SEPTIN11: variants seen among roughly 807,000 people sequenced by gnomAD.
SEPTIN11 encodes septin-11.
A neutral mutation model predicts 51.4 loss-of-function variants in SEPTIN11; 25 were observed. The observed-to-expected ratio is 0.49, with a 90% CI of 0.35 to 0.68. The LOEUF (loss-of-function observed/expected upper bound fraction) is 0.68, where lower values mean the gene tolerates loss of function less well. SEPTIN11 is among the 30% of genes least tolerant of loss of function. The pLI is 0.00. For synonymous variants in SEPTIN11, 174 were observed against 184.1 expected (o/e 0.95, Z 0.44); for missense variants, 381 against 520.8 (o/e 0.73, Z 2.61).
chr4:77,005,288 GTTC>G (rs1724401517), intron 2 of SEPTIN11, among the ~76,000 whole-genome samples: 1 of 152,110 alleles, frequency 6.6e-6, no homozygotes, highest in Non-Finnish European at 1.5e-5. Flanking sequence ...TCATGTTCTT[GTTC>G]TTGTAATATA....
chr4:77,028,718 G>A lies in SEPTIN11; in HGVS notation c.1043G>A (p.Arg348Lys). Residue 348 changes from arginine (R) to lysine (K), a missense_variant, in exon 8 of 10, where the codon AGA becomes AAA. Coordinates refer to ENST00000264893, the MANE Select transcript of SEPTIN11 (RefSeq NM_018243.4). ...EEEMRQMFVM[R>K]VKEKEAELKE... ...GAAATGAGACAAATGTTTGTTATGA[G>A]AGTGAAGGAGAAAGAAGCTGAACTT... 1 of 1,613,862 alleles carries A rather than the reference G, an allele frequency of 6.2e-7. No homozygotes were observed.
intron 1 of SEPTIN11, chr4:76,987,822 G>A (rs1020678160): frequency 1.0e-6 from 1 of 981,234 alleles, no homozygotes; most frequent in Admixed American, 6.2e-5. Flanking sequence ...AGAGGCGTCT[G>A]TACTACTGAA....
chr4:77,004,971 A>AT (rs1413461497), intron 2 of SEPTIN11, among the ~76,000 whole-genome samples: 1 of 152,200 alleles, frequency 6.6e-6, no homozygotes, highest in African/African-American at 2.4e-5. Flanking sequence ...TCAAAATTGA[A>AT]TAAATAAATA....
chr4:77,033,619 C>A (rs1045165831), intron 9 of SEPTIN11, among the ~76,000 whole-genome samples: 2 of 152,156 alleles, frequency 1.3e-5, no homozygotes, highest in African/African-American at 4.8e-5. Context: ...TCCTTGTTTG[C>A]GGCTATACCA....
Position 77,038,326 on chromosome 4 carries a change from G to C in SEPTIN11, c.*3814G>C. On this transcript the variant is annotated 3_prime_UTR_variant, in exon 10 of 10. Transcript: ENST00000264893. ...AGTTGTAGATCCTTGTCATTTTGCT[G>C]TTTGAAAATAACCAATGTGTTTTCT... The C allele has an allele frequency of 1.0e-6, 1 of 985,706 alleles. No individual in the cohort carries two copies. Among genetic ancestry groups the C allele is most frequent in the Non-Finnish European group, 1.2e-6 (1 of 829,800 alleles). The allele number at this position is 985,706 out of a possible 1,614,324, so 61.1% of individuals were successfully genotyped here.
rs1725954939 is a variant in SEPTIN11 at position 77,024,408 on chromosome 4, T to G, written c.953+3738T>G. Among the ~76,000 whole-genome samples the G allele has an allele frequency of 6.6e-6, 1 of 152,016 alleles. No individual in the cohort carries two copies. Among genetic ancestry groups the G allele is most frequent in the Non-Finnish European group, 1.5e-5 (1 of 67,984 alleles). Reference sequence around the variant, plus strand: ...CGTCTACCACCCAGAGCACCCATGCTTCCCTGGACCCAGGCGTCTCCTTCC... The same window carrying G: ...CGTCTACCACCCAGAGCACCCATGCGTCCCTGGACCCAGGCGTCTCCTTCC... On this transcript the variant is annotated intron_variant, in intron 7 of 9. Transcript: ENST00000264893. The surrounding 1 kb of genome is among the most constrained non-coding windows in gnomAD (Gnocchi z 4.2).
intron 1 of SEPTIN11, chr4:76,958,753 G>C: frequency 1.6e-6 from 1 of 622,518 alleles, no homozygotes; most frequent in Admixed American, 3.1e-5. Flanking sequence ...TTGTCACCCA[G>C]ATGGCAATTA....
In SEPTIN11 at chr4:77,020,651, C is replaced by T. The variant is rs374124952; in HGVS notation, c.934C>T (p.Pro312Ser). The T allele has an allele frequency of 8.1e-6, 13 of 1,613,908 alleles. No individual in the cohort carries two copies. Among genetic ancestry groups the T allele is most frequent in the African/African-American group, 2.7e-5 (2 of 74,888 alleles). Reference sequence around the variant, plus strand: ...AGAGATGGGGTTCAAGGACACTGACCCTGACAGCAAACCCTTCAGGTATGA... The same window carrying T: ...AGAGATGGGGTTCAAGGACACTGACTCTGACAGCAAACCCTTCAGGTATGA... ...LEEMGFKDTDPDSKPFSLQET... is the reference protein window; with the variant it reads ...LEEMGFKDTDSDSKPFSLQET... The change falls in exon 7 of 10, where the codon CCT becomes TCT. Residue 312 changes from proline (P) to serine (S), a missense_variant. Pro to Ser is a moderately conservative substitution (Grantham distance 74). Coordinates refer to ENST00000264893, the MANE Select transcript of SEPTIN11 (RefSeq NM_018243.4).
At chr4:76,954,461 C>A (rs575841287) in intron 1 of SEPTIN11, among the ~76,000 whole-genome samples, 2 of 152,248 alleles carry the variant, frequency 1.3e-5, no homozygotes, top group African/African-American at 4.8e-5. Context: ...AATTGATAAC[C>A]TCCCCCGCCC....
downstream of SEPTIN11, chr4:77,039,147 A>G: frequency 1.6e-6 from 2 of 1,286,248 alleles, no homozygotes; most frequent in South Asian, 1.3e-5. Context: ...GAAGAGCAGG[A>G]GCTGTCTGTT....
intron 1 of SEPTIN11, among the ~76,000 whole-genome samples, chr4:76,994,093 G>A (rs978013215): frequency 2.0e-5 from 3 of 152,134 alleles, no homozygotes; most frequent in East Asian, 3.9e-4. Context: ...ATTATGTGGC[G>A]GTGGAGAGAG....
chr4:76,987,799 C>T (rs1419397027), intron 1 of SEPTIN11: 10 of 969,962 alleles, frequency 1.0e-5, no homozygotes, highest in Non-Finnish European at 1.1e-5. Flanking sequence ...TTTTCTTTAC[C>T]TCTCTTCAGC....
In SEPTIN11 at chr4:76,984,811, G is replaced by T. The variant is rs1722940784; in HGVS notation, c.28-11614G>T. Among the ~76,000 whole-genome samples the T allele has an allele frequency of 6.6e-6, 1 of 152,190 alleles. No homozygotes were observed. The highest frequency in any genetic ancestry group is 1.5e-5 in the Non-Finnish European group (1 of 68,036). ...GATATGTCTTAAATGGAACTGGGTT[G>T]TTTGGGACCCACTGGACAGCAAGAG... On this transcript the variant is annotated intron_variant, in intron 1 of 9. Transcript: ENST00000264893. The surrounding 1 kb of genome is among the most constrained non-coding windows in gnomAD (Gnocchi z 4.1).
Position 77,005,760 on chromosome 4 carries a change from C to G in SEPTIN11, c.302C>G (p.Thr101Ser). The change falls in exon 3 of 10, where the codon ACC becomes AGC. Residue 101 changes from threonine to serine, a missense_variant. Physicochemically the swap from Thr to Ser is moderately conservative, Grantham distance 58 (BLOSUM62 1). Coordinates refer to ENST00000264893, the MANE Select transcript of SEPTIN11 (RefSeq NM_018243.4). ...CGGCTGAAGTTAACCATTGTTGACACCGTGGGATTTGGAGACCAGATAAAT... is the reference window on the plus strand; with the variant it reads ...CGGCTGAAGTTAACCATTGTTGACAGCGTGGGATTTGGAGACCAGATAAAT... ...NVRLKLTIVD[T>S]VGFGDQINKD... is the part of the protein sequence containing the mutation. 5 of 1,613,714 alleles carry G rather than the reference C, an allele frequency of 3.1e-6. No individual in the cohort carries two copies. Among genetic ancestry groups the G allele is most frequent in the Non-Finnish European group, 4.2e-6 (5 of 1,179,848 alleles).
intron 8 of SEPTIN11, among the ~76,000 whole-genome samples, chr4:77,030,258 C>T (rs1726516174): frequency 1.3e-5 from 2 of 151,864 alleles, no homozygotes. Context: ...AATTTTTAGT[C>T]CCAAGGAGTT....
At chr4:76,952,273 C>G (rs1721381540) in intron 1 of SEPTIN11, among the ~76,000 whole-genome samples, 1 of 152,016 alleles carries the variant, frequency 6.6e-6, no homozygotes, top group East Asian at 1.9e-4. Context: ...TGTGATTTCA[C>G]CAAAAGAAAG....
At chr4:77,002,229 T>G (rs1255719428) in intron 2 of SEPTIN11, among the ~76,000 whole-genome samples, 1 of 152,234 alleles carries the variant, frequency 6.6e-6, no homozygotes, top group Non-Finnish European at 1.5e-5. Context: ...ATGCTAATTG[T>G]TTGTAATTTC....
At chr4:77,016,527 ATTG>A (rs1172865891) in intron 5 of SEPTIN11, among the ~76,000 whole-genome samples, 5 of 144,576 alleles carry the variant, frequency 3.5e-5, no homozygotes, top group Non-Finnish European at 7.5e-5. Context: ...ATTTTGTATT[ATTG>A]TTTTTATAAT....
chr4:76,957,847 G>A (rs778393428), intron 1 of SEPTIN11, among the ~76,000 whole-genome samples: 1 of 152,130 alleles, frequency 6.6e-6, no homozygotes, highest in Non-Finnish European at 1.5e-5. Flanking sequence ...CAACACTTAT[G>A]TGTCATCCAC....
Sources: allele counts gnomAD v4.1 joint callset (sites outside exome capture counted in the v4.1 genomes callset), GRCh38; gene constraint gnomAD v4.1.1; non-coding constraint Gnocchi (gnomAD v3.1); transcripts MANE v1.5; gene names NCBI Gene and HGNC (gene_info 2026-07-23, HGNC 2026-07-21).